The following NAV2 variants were observed in gnomAD, a reference collection of about 807,000 sequenced individuals.
NAV2 encodes the protein neuron navigator 2.
Under a neutral mutation model 223.2 loss-of-function variants are expected in NAV2, and 54 were observed. The observed-to-expected ratio is 0.24, with a 90% CI of 0.19 to 0.30. NAV2 has a LOEUF of 0.30. NAV2 is among the 10% of genes least tolerant of loss of function. The pLI, the probability that NAV2 is intolerant of heterozygous loss-of-function variation, is 1.00. For synonymous variants in NAV2, 1,279 were observed against 1,239.3 expected, an observed-to-expected ratio of 1.03 and a Z score of -0.67; for missense variants, 2,806 against 3,147.5, an observed-to-expected ratio of 0.89 and a Z score of 2.60.
chr11:19,536,037 A>C (rs2044177131), intron 1 of NAV2, among the ~76,000 whole-genome samples: 2 of 152,198 alleles, frequency 1.3e-5, no homozygotes, highest in South Asian at 4.2e-4. Context: ...GGGTTAAGTT[A>C]CTTGATTAGA....
At chr11:19,799,903 A>G (rs1356979655) in intron 1 of NAV2, among the ~76,000 whole-genome samples, 2 of 152,100 alleles carry the variant, frequency 1.3e-5, no homozygotes, top group Non-Finnish European at 2.9e-5. Context: ...AGTGACTTTC[A>G]TCATTTAGGA....
At chr11:19,461,793 T>A (rs370094459) in intron 1 of NAV2, among the ~76,000 whole-genome samples, 3 of 152,172 alleles carry the variant, frequency 2.0e-5, no homozygotes, top group African/African-American at 7.2e-5. Flanking sequence ...AAGAAGAATG[T>A]TTTATGAACC....
In NAV2 at chr11:19,933,067, A is replaced by C. The variant is rs2045534605; in HGVS notation, c.932-109A>C. The C allele has an allele frequency of 4.6e-6, 6 of 1,314,436 alleles. No homozygotes were observed. The highest frequency in any genetic ancestry group is 6.1e-6 in the Non-Finnish European group (6 of 988,690). 81.4% of individuals were successfully genotyped at this position (1,314,436 alleles called of 1,614,324 possible). On this transcript the variant is annotated intron_variant, in intron 6 of 37. Coordinates refer to ENST00000349880, the MANE Select transcript of NAV2 (RefSeq NM_145117.5). This position sits in a 1 kb window ranked among gnomAD's most constrained non-coding sequence, Gnocchi z 4.3. ...TCCACAAAGTGGGCAATGGAGCTAT[A>C]CGGCATTTGGGTTGGGAGTGATTGG...
chr11:19,398,940 A>C (rs1481800481), intron 1 of NAV2, among the ~76,000 whole-genome samples: 1 of 152,230 alleles, frequency 6.6e-6, no homozygotes, highest in Non-Finnish European at 1.5e-5. Flanking sequence ...GGCTGGCTTC[A>C]GAGCACATTG....
intron 1 of NAV2, among the ~76,000 whole-genome samples, chr11:19,750,619 A>G (rs1454546596): frequency 1.3e-5 from 2 of 152,214 alleles, no homozygotes; most frequent in African/African-American, 4.8e-5. Context: ...GTAGGAAGTT[A>G]TAGAATGTCC....
In NAV2 at chr11:19,934,235, A is replaced by G. The variant is rs1332468408; in HGVS notation, c.1991A>G (p.Tyr664Cys). The change falls in exon 7 of 38, where the codon TAC becomes TGC. Residue 664 changes from tyrosine to cysteine, a missense_variant. Tyr to Cys is a radical substitution (Grantham distance 194). Transcript: ENST00000349880. ...CAGCTACCTCAGCCCCAGCAGCAATACAACCATCCCAACACTGCCACGGTT... is the reference window on the plus strand; with the variant it reads ...CAGCTACCTCAGCCCCAGCAGCAATGCAACCATCCCAACACTGCCACGGTT... ...SVQLPQPQQQ[Y>C]NHPNTATVAP... 1.2e-6 allele frequency: 2 copies of G among 1,610,886 alleles called. No individual in the cohort carries two copies. Among genetic ancestry groups the G allele is most frequent in the South Asian group, 1.1e-5 (1 of 90,576 alleles).
intron 1 of NAV2, among the ~76,000 whole-genome samples, chr11:19,762,184 A>C (rs2054808836): frequency 6.6e-6 from 1 of 152,222 alleles, no homozygotes; most frequent in African/African-American, 2.4e-5. Flanking sequence ...TGGAGGCTGC[A>C]GTGAGCTGAG....
At chr11:19,622,513 GCCTT>G (rs1227250622) in intron 1 of NAV2, among the ~76,000 whole-genome samples, 1 of 152,054 alleles carries the variant, frequency 6.6e-6, no homozygotes, top group Non-Finnish European at 1.5e-5. Context: ...TTATGTAATG[GCCTT>G]CCTTGTCTCT....
intron 1 of NAV2, among the ~76,000 whole-genome samples, chr11:19,776,692 G>A (rs2056242630): frequency 7.0e-6 from 1 of 141,984 alleles, no homozygotes; most frequent in Non-Finnish European, 1.6e-5. Context: ...AGTTGTGGGG[G>A]TCAGAAATGC....
At chr11:19,738,140 G>T (rs1179170133) in intron 1 of NAV2, among the ~76,000 whole-genome samples, 1 of 152,256 alleles carries the variant, frequency 6.6e-6, no homozygotes, top group African/African-American at 2.4e-5. Context: ...ATGGCATGCA[G>T]AAAGAGCTGT....
intron 1 of NAV2, among the ~76,000 whole-genome samples, chr11:19,562,989 T>C (rs1378786549): frequency 6.6e-6 from 1 of 151,914 alleles, no homozygotes; most frequent in Non-Finnish European, 1.5e-5. Flanking sequence ...CTCACCTACC[T>C]AGAGAAGGTA....
At chr11:19,752,059 A>G (rs936307878) in intron 1 of NAV2, among the ~76,000 whole-genome samples, 2 of 152,198 alleles carry the variant, frequency 1.3e-5, no homozygotes, top group Admixed American at 1.3e-4. Flanking sequence ...GCCAACAGTC[A>G]TATTTGTTGG....
At chr11:19,569,356 T>C (rs1234660206) in intron 1 of NAV2, among the ~76,000 whole-genome samples, 1 of 152,168 alleles carries the variant, frequency 6.6e-6, no homozygotes, top group African/African-American at 2.4e-5. Context: ...TTGTCTATTG[T>C]CTCTCTTTCT....
chr11:19,416,547 TC>T (rs1351132573), intron 1 of NAV2, among the ~76,000 whole-genome samples: 1 of 152,130 alleles, frequency 6.6e-6, no homozygotes. Context: ...CTTTATGCTA[TC>T]CCCATCAAGC....
intron 1 of NAV2, among the ~76,000 whole-genome samples, chr11:19,646,168 C>T (rs1440109417): frequency 7.2e-5 from 11 of 152,284 alleles, no homozygotes; most frequent in Non-Finnish European, 1.6e-4. Flanking sequence ...GGGCTTCAGC[C>T]CCATCAGCAG....
At chr11:19,428,767 G>A (rs1318485671) in intron 1 of NAV2, among the ~76,000 whole-genome samples, 3 of 152,172 alleles carry the variant, frequency 2.0e-5, no homozygotes, top group Admixed American at 2.0e-4. Context: ...GGAAGAGAAG[G>A]GCTGATCAGT....
At chr11:19,601,840 G>C (rs1456941811) in intron 1 of NAV2, among the ~76,000 whole-genome samples, 2 of 152,192 alleles carry the variant, frequency 1.3e-5, no homozygotes, top group African/African-American at 4.8e-5. Flanking sequence ...GTGGGAGTGG[G>C]AATCTTTTAG....
At chr11:19,389,926 C>T (rs899373843) in intron 1 of NAV2, among the ~76,000 whole-genome samples, 1 of 152,308 alleles carries the variant, frequency 6.6e-6, no homozygotes, top group Admixed American at 6.5e-5. Context: ...GGCCTCAGTT[C>T]GGAGGCAGAA....
At chr11:19,582,482 G>A (rs1433514293) in intron 1 of NAV2, among the ~76,000 whole-genome samples, 1 of 152,082 alleles carries the variant, frequency 6.6e-6, no homozygotes, top group African/African-American at 2.4e-5. Flanking sequence ...TTTCTTCTAG[G>A]GTTTTTATGG....
Sources: allele counts gnomAD v4.1 joint callset (sites outside exome capture counted in the v4.1 genomes callset), GRCh38; gene constraint gnomAD v4.1.1; non-coding constraint Gnocchi (gnomAD v3.1); transcripts MANE v1.5; gene names NCBI Gene and HGNC (gene_info 2026-07-23, HGNC 2026-07-21).